The following UPRT variants were observed in gnomAD, a reference collection of about 807,000 sequenced individuals.
UPRT encodes uracil phosphoribosyltransferase homolog.
Under a neutral mutation model 22.6 loss-of-function variants are expected in UPRT, and 5 were observed. The observed-to-expected ratio is 0.22, with a 90% CI of 0.12 to 0.47. The LOEUF (loss-of-function observed/expected upper bound fraction) is 0.47. UPRT is among the 20% of genes least tolerant of loss of function. UPRT has a pLI of 0.99. For missense variants in UPRT, 181 were observed against 239.9 expected (o/e 0.75, Z 1.62); for synonymous variants, 77 against 87.7 (o/e 0.88, Z 0.68).
At chrX:75,273,096 G>C (rs910273898), upstream of UPRT, among the ~76,000 whole-genome samples, 7 of 111,479 alleles carry the variant, frequency 6.3e-5, no homozygotes, top group Admixed American at 1.9e-4. Context: ...AATGCTGCAT[G>C]TTCTCACTTA....
At position 75,274,156 on chromosome X, in the gene UPRT, C is replaced by A; in HGVS notation, c.-99C>A. On this transcript the variant is annotated 5_prime_UTR_variant, in exon 1 of 7. Coordinates refer to ENST00000373383, the MANE Select transcript of UPRT (RefSeq NM_145052.4). ...GCCAGGGTTAGATGTTCTGAGGAGG[C>A]GGGAGCAACCGAGAGAGCACGTGAG... 1 of 1,104,702 alleles carries A rather than the reference C, an allele frequency of 9.1e-7. No homozygotes were observed. Among genetic ancestry groups the A allele is most frequent in the South Asian group, 2.3e-5 (1 of 43,945 alleles). 91.0% of individuals were successfully genotyped at this position (1,104,702 alleles called of 1,213,427 possible).
intron 4 of UPRT, among the ~76,000 whole-genome samples, chrX:75,216,578 A>AT (rs1168455011): frequency 8.0e-5 from 9 of 111,890 alleles, no homozygotes; most frequent in African/African-American, 2.3e-4. Flanking sequence ...GCACAGGAGT[A>AT]TTTTTGGTTT....
chrX:75,255,067 G>T (rs977533078), intron 4 of UPRT, among the ~76,000 whole-genome samples: 4 of 110,367 alleles, frequency 3.6e-5, no homozygotes, highest in Non-Finnish European at 5.7e-5. Flanking sequence ...GAGCCACCGC[G>T]CCCGGCCAGG....
intron 4 of UPRT, among the ~76,000 whole-genome samples, chrX:75,251,910 T>A (rs1348051400): frequency 1.8e-5 from 2 of 110,610 alleles, no homozygotes; most frequent in Non-Finnish European, 3.8e-5. Flanking sequence ...TAATGCCGCA[T>A]ATCTACAACT....
chrX:75,242,133 T>C (rs2082490407), intron 4 of UPRT, among the ~76,000 whole-genome samples: 2 of 111,444 alleles, frequency 1.8e-5, no homozygotes, highest in Admixed American at 1.9e-4. Context: ...CATTTTGAGA[T>C]CTAAGAAATA....
At chrX:75,291,366 A>G (rs897894620) in intron 1 of UPRT, 3 of 314,714 alleles carry the variant, frequency 9.5e-6, no homozygotes, top group Non-Finnish European at 1.8e-5. Context: ...ATTATCAGAT[A>G]GAAGATAATT....
intron 4 of UPRT, among the ~76,000 whole-genome samples, chrX:75,242,155 A>T (rs1350602518): frequency 8.9e-6 from 1 of 111,897 alleles, no homozygotes; most frequent in Non-Finnish European, 1.9e-5. Context: ...GGTAAGATAG[A>T]CATATGCAAG....
chrX:75,219,083 G>A (rs779450452), intron 4 of UPRT, among the ~76,000 whole-genome samples: 1 of 111,726 alleles, frequency 9.0e-6, no homozygotes, highest in African/African-American at 3.3e-5. Context: ...TAAAATGGAG[G>A]GAGTTTATGA....
chrX:75,187,637 C>G (rs1326678022), intron 4 of UPRT, among the ~76,000 whole-genome samples: 1 of 112,150 alleles, frequency 8.9e-6, no homozygotes, highest in Non-Finnish European at 1.9e-5. Context: ...TGATTCCATT[C>G]TCCCCGTCGC....
rs184271786 is a variant in UPRT at position 75,286,907 on chromosome X, C to A, written c.387-6565C>A. 6.2e-4 allele frequency among the ~76,000 whole-genome samples: 69 copies of A among 111,290 alleles called. 1 individual carries two copies. Among genetic ancestry groups the A allele is most frequent in the African/African-American group, 2.3e-3 (69 of 30,651 alleles). On this transcript the variant is annotated intron_variant, in intron 1 of 6. Coordinates refer to ENST00000373383, the MANE Select transcript of UPRT (RefSeq NM_145052.4). ...AAAGTGGTAGTGATAATAAAATCTACTTCTTAAATTGTATGAAGATTAGAT... is the reference window on the plus strand; with the variant it reads ...AAAGTGGTAGTGATAATAAAATCTAATTCTTAAATTGTATGAAGATTAGAT...
At chrX:75,245,115 A>G (rs1421411412) in intron 4 of UPRT, among the ~76,000 whole-genome samples, 1 of 111,187 alleles carries the variant, frequency 9.0e-6, no homozygotes, top group East Asian at 2.8e-4. Context: ...ATGTGGGCAA[A>G]GGACATCAAC....
chrX:75,266,601 A>C (rs2082589302), intron 4 of UPRT, among the ~76,000 whole-genome samples: 2 of 111,882 alleles, frequency 1.8e-5, no homozygotes, highest in South Asian at 3.7e-4. Context: ...GGATCTAATT[A>C]AACTAAAGAG....
chrX:75,287,137 G>A (rs1447184043), intron 1 of UPRT, among the ~76,000 whole-genome samples: 1 of 111,282 alleles, frequency 9.0e-6, no homozygotes, highest in Non-Finnish European at 1.9e-5. Flanking sequence ...GTATGTATAT[G>A]TAGTTGTTAA....
intron 4 of UPRT, among the ~76,000 whole-genome samples, chrX:75,251,417 AACAG>A (rs1488264396): frequency 9.0e-6 from 1 of 111,379 alleles, no homozygotes; most frequent in Non-Finnish European, 1.9e-5. Flanking sequence ...ATACACCAAT[AACAG>A]ACAAACAGAG....
chrX:75,245,691 A>T (rs143098792), intron 4 of UPRT, among the ~76,000 whole-genome samples: 4,166 of 112,029 alleles, frequency 0.037, 102 homozygotes, highest in Non-Finnish European at 0.063. Context: ...TAATACAGGA[A>T]CAAAAACCCA....
intron 4 of UPRT, among the ~76,000 whole-genome samples, chrX:75,256,163 C>T (rs1230050814): frequency 1.8e-5 from 2 of 111,906 alleles, no homozygotes; most frequent in Non-Finnish European, 3.8e-5. Flanking sequence ...ATATCAAGCA[C>T]TCTCTCAGAC....
chrX:75,249,610 G>C (rs7892244), intron 4 of UPRT, among the ~76,000 whole-genome samples: 1 of 110,925 alleles, frequency 9.0e-6, no homozygotes. Flanking sequence ...CAATAATAAT[G>C]GGAGACTCTA....
At chrX:75,301,451 T>TA (rs2082743974) in intron 6 of UPRT, among the ~76,000 whole-genome samples, 1 of 111,921 alleles carries the variant, frequency 8.9e-6, no homozygotes, top group Non-Finnish European at 1.9e-5. Flanking sequence ...CTTAAGATCT[T>TA]AGTGTTTTTC....
chrX:75,250,526 C>T (rs1020662764), intron 4 of UPRT, among the ~76,000 whole-genome samples: 3 of 111,630 alleles, frequency 2.7e-5, no homozygotes, highest in African/African-American at 9.8e-5. Flanking sequence ...AGTTCAATCC[C>T]TGAATAGACC....
Sources: gnomAD v4.1 joint callset for allele counts (sites outside exome capture counted in the v4.1 genomes callset) on GRCh38, gnomAD v4.1.1 for gene constraint, MANE v1.5 for transcripts, NCBI Gene and HGNC (gene_info 2026-07-23, HGNC 2026-07-21) for gene names.